Variants in MAST4 observed in about 807,000 individuals in gnomAD.
MAST4 encodes microtubule associated serine/threonine kinase family member 4.
In MAST4, 89 loss-of-function variants were observed where a neutral mutation model predicts 162.7. The ratio of observed to expected loss-of-function variants is 0.55; its 90% CI spans 0.46 to 0.65. The LOEUF (loss-of-function observed/expected upper bound fraction) is 0.65. MAST4 is among the 30% of genes least tolerant of loss of function. MAST4 has a pLI of 0.00. For missense variants in MAST4, 3,153 were observed against 3,374.0 expected, an observed-to-expected ratio of 0.93 and a Z score of 1.62; for synonymous variants, 1,479 against 1,361.1, an observed-to-expected ratio of 1.09 and a Z score of -1.91.
intron 4 of MAST4, among the ~76,000 whole-genome samples, chr5:66,999,063 C>G (rs955949451): frequency 4.7e-4 from 71 of 152,298 alleles, no homozygotes; most frequent in African/African-American, 1.7e-3. Flanking sequence ...GCCAGTGCTC[C>G]ACGTGGTTTA....
chr5:66,749,444 G>A (rs991541583), intron 1 of MAST4, among the ~76,000 whole-genome samples: 1 of 152,142 alleles, frequency 6.6e-6, no homozygotes, highest in Non-Finnish European at 1.5e-5. Context: ...CTGAAATAAT[G>A]TAAAATCAGT....
At chr5:66,956,237 A>T (rs181177449) in intron 4 of MAST4, among the ~76,000 whole-genome samples, 6 of 152,142 alleles carry the variant, frequency 3.9e-5, no homozygotes, top group African/African-American at 1.4e-4. Context: ...CGTCTCTGTG[A>T]TATTGTTTAA....
In MAST4 at chr5:66,759,746, G is replaced by A. The variant is rs200678654; in HGVS notation, c.401G>A (p.Arg134Gln). 1.5e-5 allele frequency: 24 copies of A among 1,613,754 alleles called. No homozygotes were observed. The East Asian group carries it at 3.6e-4, about 24-fold the overall frequency. Reference protein sequence around the residue: ...HILSPPPMPFRKCSNPDVASG... With the variant: ...HILSPPPMPFQKCSNPDVASG... The stretch of plus-strand genomic sequence containing the variant: ...TTATCCCCTCCACCCATGCCGTTTC[G>A]GAAATGCAGCAACCCAGATGTGGCT... Residue 134 changes from arginine (R) to glutamine (Q), a missense_variant, in exon 2 of 29, where the codon CGG becomes CAG. Physicochemically the swap from Arg to Gln is conservative, Grantham distance 43 (BLOSUM62 1). Coordinates refer to ENST00000403625, the MANE Select transcript of MAST4 (RefSeq NM_001164664.2).
At chr5:66,951,628 G>C (rs560472650) in intron 4 of MAST4, among the ~76,000 whole-genome samples, 1 of 145,608 alleles carries the variant, frequency 6.9e-6, no homozygotes, top group Non-Finnish European at 1.5e-5. Flanking sequence ...GTGTGTGTGT[G>C]TGTGTGTGTG....
At chr5:66,747,286 G>A (rs934381083) in intron 1 of MAST4, among the ~76,000 whole-genome samples, 2 of 152,166 alleles carry the variant, frequency 1.3e-5, no homozygotes, top group Non-Finnish European at 2.9e-5. Context: ...CTCTGTTTAT[G>A]TGAATGCCAC....
Position 67,164,895 on chromosome 5 carries a change from A to G in MAST4, c.5716A>G (p.Thr1906Ala). 1.2e-6 allele frequency: 2 copies of G among 1,613,972 alleles called. No individual in the cohort carries two copies. Among genetic ancestry groups the G allele is most frequent in the Non-Finnish European group, 1.7e-6 (2 of 1,179,894 alleles). ...GAGGGACAGGAAAGGTCCCCATCCT[A>G]CTGCCAGGAGCCCTGGAACAGTCAT... ...FKRDRKGPHP[T>A]ARSPGTVMES... Residue 1906 changes from threonine (T) to alanine (A), a missense_variant, in exon 29 of 29, where the codon ACT becomes GCT. Physicochemically the swap from Thr to Ala is moderately conservative, Grantham distance 58. Around this residue, in one of 7 missense-constraint regions of MAST4, gnomAD observed 1,644 missense variants for 1,495.0 expected, o/e 1.10. Coordinates refer to ENST00000403625, the MANE Select transcript of MAST4 (RefSeq NM_001164664.2). This position sits in a 1 kb window ranked among gnomAD's most constrained non-coding sequence, Gnocchi z 5.3.
intron 26 of MAST4, among the ~76,000 whole-genome samples, chr5:67,154,247 G>C (rs1772213807): frequency 6.6e-6 from 1 of 152,158 alleles, no homozygotes; most frequent in African/African-American, 2.4e-5. Context: ...CTCTCAGATA[G>C]TTCTGTTCAG....
intron 3 of MAST4, among the ~76,000 whole-genome samples, chr5:66,806,768 CAT>C (rs149763989): frequency 0.02 from 3,056 of 152,250 alleles, 56 homozygotes; most frequent in Middle Eastern, 0.054. Flanking sequence ...ATCCTAGTAA[CAT>C]GTGATAGAAA....
intron 3 of MAST4, among the ~76,000 whole-genome samples, chr5:66,883,970 A>G (rs956119330): frequency 4.6e-5 from 7 of 152,170 alleles, no homozygotes; most frequent in African/African-American, 7.2e-5. Flanking sequence ...TTACATCGTA[A>G]GCCACCTGCC....
chr5:67,140,684 A>C (rs1190972722), intron 19 of MAST4, among the ~76,000 whole-genome samples: 1 of 152,228 alleles, frequency 6.6e-6, no homozygotes. Flanking sequence ...TTCCACATCC[A>C]CAAAAGGTGT....
chr5:66,820,730 A>G (rs371353818), intron 3 of MAST4, among the ~76,000 whole-genome samples: 1 of 152,308 alleles, frequency 6.6e-6, no homozygotes, highest in Non-Finnish European at 1.5e-5. Flanking sequence ...TATATTTCAT[A>G]TGTATATAAG....
chr5:67,167,265 A>G lies in MAST4; in HGVS notation c.*214A>G, dbSNP rs1199995003. On this transcript the variant is annotated 3_prime_UTR_variant, in exon 29 of 29. Transcript: ENST00000403625. ...AACTGTTACCAGATAGTGTTTGTAC[A>G]AAAAAAAAAAAAAAAAAAAAAAAAA... The G allele has an allele frequency of 6.6e-5, 1 of 15,248 alleles. No individual in the cohort carries two copies. Among genetic ancestry groups the G allele is most frequent in the African/African-American group, 3.5e-4 (1 of 2,824 alleles). 0.9% of individuals were successfully genotyped at this position (15,248 alleles called of 1,614,324 possible).
chr5:67,082,140 C>T (rs1222136161), intron 5 of MAST4, among the ~76,000 whole-genome samples: 1 of 149,324 alleles, frequency 6.7e-6, no homozygotes, highest in East Asian at 1.9e-4. Context: ...AAACAACTAC[C>T]TGTAATCTTT....
intron 4 of MAST4, among the ~76,000 whole-genome samples, chr5:67,037,410 C>T (rs1756157332): frequency 1.3e-5 from 2 of 152,052 alleles, no homozygotes; most frequent in African/African-American, 4.8e-5. Flanking sequence ...GCTGGTGTGA[C>T]TCAGACAGAA....
chr5:67,126,803 G>A (rs374698942), intron 14 of MAST4, among the ~76,000 whole-genome samples: 4 of 152,088 alleles, frequency 2.6e-5, no homozygotes, highest in African/African-American at 7.2e-5. Context: ...AGCTTGATGG[G>A]GATAACATTG....
chr5:66,615,697 C>A (rs1007035625), intron 1 of MAST4, among the ~76,000 whole-genome samples: 1 of 151,896 alleles, frequency 6.6e-6, no homozygotes, highest in African/African-American at 2.4e-5. Flanking sequence ...CCTGTAGTCC[C>A]AGCTACTTGG....
chr5:66,794,126 A>G (rs186465376), intron 3 of MAST4, among the ~76,000 whole-genome samples: 11 of 152,340 alleles, frequency 7.2e-5, no homozygotes, highest in African/African-American at 2.6e-4. Context: ...TGCTTACATT[A>G]TGTAGCCTTA....
chr5:66,677,581 C>A (rs1748033731), intron 1 of MAST4, among the ~76,000 whole-genome samples: 1 of 152,182 alleles, frequency 6.6e-6, no homozygotes, highest in African/African-American at 2.4e-5. Flanking sequence ...TCCTGCATCT[C>A]TGAGACTAGT....
chr5:67,156,702 G>C (rs1056814651), intron 26 of MAST4, among the ~76,000 whole-genome samples: 1 of 152,240 alleles, frequency 6.6e-6, no homozygotes, highest in Admixed American at 6.5e-5. Context: ...TGAAGCCTGG[G>C]TTAATGTGAG....
Sources: gnomAD v4.1 joint callset for allele counts (sites outside exome capture counted in the v4.1 genomes callset) on GRCh38, gnomAD v4.1.1 for gene constraint, gnomAD v4.1.1 regional missense constraint, Gnocchi (gnomAD v3.1) non-coding constraint, MANE v1.5 for transcripts, NCBI Gene and HGNC (gene_info 2026-07-23, HGNC 2026-07-21) for gene names.